MED15: variants seen among roughly 807,000 people sequenced by gnomAD.
MED15 encodes the protein mediator of RNA polymerase II transcription subunit 15.
MED15 carries 41 observed loss-of-function variants against 118.7 expected under a neutral mutation model. The observed-to-expected ratio is 0.35, with a 90% CI of 0.27 to 0.45. The LOEUF is 0.45. MED15 is among the 20% of genes least tolerant of loss of function. The pLI, the probability that MED15 is intolerant of heterozygous loss-of-function variation, is 1.00. For synonymous variants in MED15, 436 were observed against 413.9 expected, an observed-to-expected ratio of 1.05 and a Z score of -0.65; for missense variants, 740 against 1,025.5, an observed-to-expected ratio of 0.72 and a Z score of 3.80.
intron 3 of MED15, among the ~76,000 whole-genome samples, chr22:20,552,269 C>A (rs1367402481): frequency 6.6e-6 from 1 of 152,178 alleles, no homozygotes; most frequent in Non-Finnish European, 1.5e-5. Context: ...ATGTGCCTGG[C>A]GAGTCCTATT....
chr22:20,512,587 C>CTTTT (rs1001694854), intron 1 of MED15, among the ~76,000 whole-genome samples: 33 of 91,516 alleles, frequency 3.6e-4, no homozygotes, highest in East Asian at 6.7e-4. Context: ...TGAGTCACCT[C>CTTTT]TTTTTTTTTT....
intron 3 of MED15, 163 bp downstream of exon 3, chr22:20,551,650 C>T: frequency 1.4e-6 from 1 of 691,404 alleles, no homozygotes; most frequent in South Asian, 1.6e-5. Flanking sequence ...CATTTGACTC[C>T]AGATCCCTCC....
intron 7 of MED15, among the ~76,000 whole-genome samples, chr22:20,568,254 ATTG>A (rs2056514479): frequency 9.5e-6 from 1 of 104,884 alleles, no homozygotes; most frequent in Non-Finnish European, 1.9e-5. Context: ...TAAGCTCTGC[ATTG>A]GAAGTCGTCA....
chr22:20,553,238 C>T (rs746309648), intron 4 of MED15, 64 bp downstream of exon 4: 3 of 1,491,316 alleles, frequency 2.0e-6, no homozygotes, highest in Non-Finnish European at 2.8e-6. Context: ...GCAAGAATGA[C>T]ATAGTGCATG....
Position 20,566,578 on chromosome 22 carries a change from C to T in MED15, c.802C>T (p.Pro268Ser). The change falls in exon 7 of 18, where the codon CCA (proline) becomes TCA (serine). Residue 268 changes from proline (P) to serine (S), a missense_variant. Physicochemically the swap from Pro to Ser is moderately conservative, Grantham distance 74. Transcript: ENST00000263205. ...QQQQQALQAQPPIQQPPMQQP... is the reference protein window; with the variant it reads ...QQQQQALQAQSPIQQPPMQQP... ...GCAGCAGCAGGCTTTGCAGGCCCAG[C>T]CACCAATTCAGCAGCCACCGATGCA... 10 of 1,613,618 alleles carry T rather than the reference C, an allele frequency of 6.2e-6. No homozygotes were observed. The highest frequency in any genetic ancestry group is 8.5e-6 in the Non-Finnish European group (10 of 1,179,830).
At chr22:20,535,939 G>A (rs1385157566) in intron 1 of MED15, among the ~76,000 whole-genome samples, 2 of 141,734 alleles carry the variant, frequency 1.4e-5, no homozygotes, top group East Asian at 2.1e-4. Context: ...GTGCAGTGGC[G>A]CAATCTCGGC....
chr22:20,508,513 G>A, intron 1 of MED15: 1 of 841,218 alleles, frequency 1.2e-6, no homozygotes, highest in South Asian at 1.5e-5. Context: ...GTCAGCGAAG[G>A]GAGATAGGGG....
In MED15 at chr22:20,577,521, T is replaced by G. The variant is rs532004683; in HGVS notation, c.1272+2289T>G. 2.6e-5 allele frequency among the ~76,000 whole-genome samples: 4 copies of G among 151,666 alleles called. No homozygotes were observed. The East Asian group carries it at 7.8e-4, about 29-fold the overall frequency. ...TTATGCCAGCTAATAGGTCTCTCTC[T>G]CTCTAGAAGCTTCCAACCCCCAAAG... On this transcript the variant is annotated intron_variant, in intron 9 of 17. Transcript: ENST00000263205.
intron 12 of MED15, 32 bp from the exon 13 acceptor site, chr22:20,583,298 T>A: frequency 6.2e-7 from 1 of 1,613,496 alleles, no homozygotes; most frequent in Non-Finnish European, 8.5e-7. Context: ...CCACCAGGCT[T>A]GTGTCTTAGT....
At chr22:20,527,453 GT>G (rs138020269) in intron 1 of MED15, among the ~76,000 whole-genome samples, 174 of 147,788 alleles carry the variant, frequency 1.2e-3, no homozygotes, top group South Asian at 2.9e-3. Flanking sequence ...AAATTCTACC[GT>G]TTTTTTTGAT....
intron 1 of MED15, among the ~76,000 whole-genome samples, 171 bp from the exon 2 acceptor site, chr22:20,536,946 C>G (rs759719939): frequency 6.6e-6 from 1 of 152,168 alleles, no homozygotes; most frequent in Non-Finnish European, 1.5e-5. Context: ...TGTCATTGCT[C>G]TCTGTTGAGT....
At chr22:20,566,193 C>T (rs921547308) in intron 6 of MED15, among the ~76,000 whole-genome samples, 1 of 152,086 alleles carries the variant, frequency 6.6e-6, no homozygotes, top group Non-Finnish European at 1.5e-5. Context: ...GTGTGAGCCA[C>T]CATGCCTGGC....
intron 3 of MED15, chr22:20,552,473 G>A: frequency 2.6e-6 from 1 of 381,966 alleles, no homozygotes. Context: ...ATGTGTAAGA[G>A]GAGAAGGAGC....
intron 9 of MED15, among the ~76,000 whole-genome samples, chr22:20,580,749 C>T (rs1569247728): frequency 6.6e-6 from 1 of 152,238 alleles, no homozygotes; most frequent in Admixed American, 6.5e-5. Context: ...CCTTACTCCT[C>T]TTCAGCTAGG....
chr22:20,581,232 C>T (rs1024261085), intron 9 of MED15, among the ~76,000 whole-genome samples: 5 of 152,222 alleles, frequency 3.3e-5, no homozygotes, highest in South Asian at 2.1e-4. Flanking sequence ...AAGAGCATTT[C>T]GCTCCAGGAG....
At chr22:20,523,011 A>G (rs2054516090) in intron 1 of MED15, 1 of 152,188 alleles carries the variant, frequency 6.6e-6, no homozygotes, top group Admixed American at 6.5e-5. Context: ...TCCATTCCGG[A>G]TAACATTGTA....
intron 9 of MED15, among the ~76,000 whole-genome samples, chr22:20,579,528 T>C (rs1601635752): frequency 6.9e-6 from 1 of 145,088 alleles, no homozygotes; most frequent in African/African-American, 2.5e-5. Context: ...GTTCCCAGTA[T>C]GTGGGGGCGG....
chr22:20,533,940 C>G (rs1020124794), intron 1 of MED15, among the ~76,000 whole-genome samples: 7 of 152,210 alleles, frequency 4.6e-5, no homozygotes, highest in Admixed American at 1.3e-4. Context: ...TGCCAGGTGT[C>G]TCTGCTGCAC....
intron 16 of MED15, 92 bp downstream of exon 16, chr22:20,585,359 C>T: frequency 1.3e-6 from 2 of 1,502,946 alleles, no homozygotes; most frequent in Non-Finnish European, 1.8e-6. Flanking sequence ...GCACAGCGCC[C>T]AGAACCCACC....
Sources: gnomAD v4.1 joint callset for allele counts (sites outside exome capture counted in the v4.1 genomes callset) on GRCh38, gnomAD v4.1.1 for gene constraint, MANE v1.5 for transcripts, NCBI Gene and HGNC (gene_info 2026-07-23, HGNC 2026-07-21) for gene names.